Variants in CELF6 observed in about 807,000 individuals in gnomAD.
CELF6 encodes the protein CUGBP Elav-like family member 6.
A neutral mutation model predicts 53.1 loss-of-function variants in CELF6; 32 were observed. That is an observed-to-expected ratio of 0.60 (90% CI 0.46 to 0.81). The LOEUF (loss-of-function observed/expected upper bound fraction) is 0.81. CELF6 is among the 30% of genes least tolerant of loss of function. The probability of loss-of-function intolerance (pLI) is 0.00; values close to 1 mark genes in which losing one functional copy is unlikely to be tolerated. For synonymous variants in CELF6, 291 were observed against 288.8 expected (o/e 1.01, Z -0.08); for missense variants, 539 against 669.5 (o/e 0.81, Z 2.15).
In CELF6 at chr15:72,319,095, G is replaced by A. The variant is rs191664899; in HGVS notation, c.262+518C>T. 9.2e-5 allele frequency among the ~76,000 whole-genome samples: 14 copies of A among 152,216 alleles called. 1 individual carries two copies. The East Asian group carries it at 2.1e-3, about 23-fold the overall frequency. Reference sequence around the variant, plus strand: ...AGGGTTTGGGTCTGCGGTGTTTTAGGTTGGCAGTCTGAGAGTCAAAAGAAG... The same window carrying A: ...AGGGTTTGGGTCTGCGGTGTTTTAGATTGGCAGTCTGAGAGTCAAAAGAAG... On this transcript the variant is annotated intron_variant, in intron 1 of 12. Coordinates refer to ENST00000287202, the MANE Select transcript of CELF6 (RefSeq NM_052840.5). This position sits in a 1 kb window ranked among gnomAD's most constrained non-coding sequence, Gnocchi z 5.0.
At chr15:72,308,484 C>T (rs1030612324) in intron 2 of CELF6, among the ~76,000 whole-genome samples, 4 of 152,108 alleles carry the variant, frequency 2.6e-5, no homozygotes, top group African/African-American at 9.7e-5. Context: ...GCCTCGGCCT[C>T]CCAAAGTGCT....
At chr15:72,314,583 C>T (rs577572666) in intron 2 of CELF6, among the ~76,000 whole-genome samples, 1 of 139,768 alleles carries the variant, frequency 7.2e-6, no homozygotes, top group African/African-American at 3.2e-5. Context: ...AGACTCAAAA[C>T]CCAGTGTTTT....
rs2087902648 is a variant in CELF6, at chr15:72,284,807, A to G, written c.*1564T>C. The G allele has an allele frequency of 6.6e-6, 1 of 152,596 alleles. No individual in the cohort carries two copies. The highest frequency in any genetic ancestry group is 1.5e-5 in the Non-Finnish European group (1 of 68,048). The allele number at this position is 152,596 out of a possible 1,614,324, so 9.5% of individuals were successfully genotyped here. A position where few individuals can be genotyped will look rare whatever the true frequency, so the allele number is the denominator to read the frequency against. On this transcript the variant is annotated 3_prime_UTR_variant, in exon 13 of 13. Transcript: ENST00000287202. The stretch of plus-strand genomic sequence containing the variant: ...CCACCCCCACATCTTTTACTATCTG[A>G]CATGTTATCAGATCAGAGGCCTTCA...
chr15:72,289,560 C>G lies in CELF6; in HGVS notation c.748-53G>C, dbSNP rs1037927116. 6.7e-7 allele frequency: 1 copy of G among 1,482,166 alleles called. No homozygotes were observed. The highest frequency in any genetic ancestry group is 8.9e-7 in the Non-Finnish European group (1 of 1,121,602). 91.8% of individuals were successfully genotyped at this position (1,482,166 alleles called of 1,614,324 possible). A position where few individuals can be genotyped will look rare whatever the true frequency, so the allele number is the denominator to read the frequency against. ...GAGGGCCAAGGGGCAGGCAGCTGCC[C>G]GTGCTCTCAGCCCCAGGCCTGGCCC... On this transcript the variant is annotated intron_variant, in intron 6 of 12. Transcript: ENST00000287202. The surrounding 1 kb of genome is among the most constrained non-coding windows in gnomAD (Gnocchi z 7.6).
At chr15:72,300,562 G>T (rs1567281231) in intron 3 of CELF6, among the ~76,000 whole-genome samples, 1 of 152,162 alleles carries the variant, frequency 6.6e-6, no homozygotes, top group Non-Finnish European at 1.5e-5. Flanking sequence ...GGTTGGGCGT[G>T]GTGGCTCACA....
intron 2 of CELF6, among the ~76,000 whole-genome samples, chr15:72,305,869 T>C (rs1345972746): frequency 6.6e-6 from 1 of 151,214 alleles, no homozygotes; most frequent in South Asian, 2.1e-4. Flanking sequence ...TTTTTTTTTT[T>C]GCCCCAACCT....
rs1261560831 is a variant in CELF6, at chr15:72,289,543, A to T, written c.748-36T>A. On this transcript the variant is annotated intron_variant, in intron 6 of 12. Transcript: ENST00000287202. The surrounding 1 kb of genome is among the most constrained non-coding windows in gnomAD (Gnocchi z 7.6). ...AAAGATGGGCGAGAGTGGAGGGCCA[A>T]GGGGCAGGCAGCTGCCCGTGCTCTC... 1 of 1,490,826 alleles carries T rather than the reference A, an allele frequency of 6.7e-7. No individual in the cohort carries two copies. The highest frequency in any genetic ancestry group is 8.9e-7 in the Non-Finnish European group (1 of 1,124,856). 92.3% of individuals were successfully genotyped at this position (1,490,826 alleles called of 1,614,324 possible).
Position 72,319,832 on chromosome 15 carries a change from C to G in CELF6, c.43G>C (p.Gly15Arg). The change falls in exon 1 of 13, where the codon GGC becomes CGC. Residue 15 changes from glycine to arginine, a missense_variant. Around this residue, in one of 3 missense-constraint regions of CELF6, gnomAD observed 84 missense variants for 87.9 expected, o/e 0.96. Transcript: ENST00000287202. This position sits in a 1 kb window ranked among gnomAD's most constrained non-coding sequence, Gnocchi z 5.0. ...PGGSAQPAGPGPRLGFSTADS... is the reference protein window; with the variant it reads ...PGGSAQPAGPRPRLGFSTADS... Reference sequence around the variant, plus strand: ...GCGGTGCTGAAACCCAGGCGCGGGCCGGGGCCAGCGGGCTGCGCTGACCCT... The same window carrying G: ...GCGGTGCTGAAACCCAGGCGCGGGCGGGGGCCAGCGGGCTGCGCTGACCCT... 1.9e-6 allele frequency: 3 copies of G among 1,546,732 alleles called. No homozygotes were observed. The highest frequency in any genetic ancestry group is 2.6e-6 in the Non-Finnish European group (3 of 1,144,790).
At chr15:72,294,653 C>T (rs1051945499) in intron 3 of CELF6, among the ~76,000 whole-genome samples, 2 of 152,172 alleles carry the variant, frequency 1.3e-5, no homozygotes, top group Non-Finnish European at 2.9e-5. Flanking sequence ...TGTTTCTACA[C>T]ACTAGCAATG....
chr15:72,318,391 C>T (rs1043639579), intron 1 of CELF6, among the ~76,000 whole-genome samples: 1 of 152,186 alleles, frequency 6.6e-6, no homozygotes, highest in Non-Finnish European at 1.5e-5. Flanking sequence ...TTAGCTGTTA[C>T]CCAAGGCCCA....
chr15:72,318,495 A>G lies in CELF6; in HGVS notation c.262+1118T>C, dbSNP rs2088388910. ...AGCATGGTGGTGGTGGTGGGGGAGG[A>G]GATAAGAGTGTTCCTTCTCAAATCA... On this transcript the variant is annotated intron_variant, in intron 1 of 12. Coordinates refer to ENST00000287202, the MANE Select transcript of CELF6 (RefSeq NM_052840.5). 2.0e-5 allele frequency among the ~76,000 whole-genome samples: 3 copies of G among 152,030 alleles called. No homozygotes were observed. In the South Asian group the frequency reaches 6.2e-4, roughly 32 times the overall value.
rs1028122137 is a variant in CELF6 at position 72,288,461 on chromosome 15, C to T, written c.1175-10G>A. On this transcript the variant is annotated splice_polypyrimidine_tract_variant and intron_variant, in intron 10 of 12. Transcript: ENST00000287202. This position sits in a 1 kb window ranked among gnomAD's most constrained non-coding sequence, Gnocchi z 4.6. Reference sequence around the variant, plus strand: ...TTACAGCCTTCGGGGCCTGGAGGAACAGTAGCAAGCTGGTTCAGGGGAAGG... The same window carrying T: ...TTACAGCCTTCGGGGCCTGGAGGAATAGTAGCAAGCTGGTTCAGGGGAAGG... 1.9e-6 allele frequency: 3 copies of T among 1,614,174 alleles called. No homozygotes were observed. Among genetic ancestry groups the T allele is most frequent in the East Asian group, 2.2e-5 (1 of 44,890 alleles).
chr15:72,308,194 T>C (rs1297703629), intron 2 of CELF6, among the ~76,000 whole-genome samples: 1 of 152,086 alleles, frequency 6.6e-6, no homozygotes. Flanking sequence ...TAGATCTTAG[T>C]AGATACCTCA....
At chr15:72,293,784 C>T (rs540981935) in intron 3 of CELF6, among the ~76,000 whole-genome samples, 1 of 152,022 alleles carries the variant, frequency 6.6e-6, no homozygotes, top group Non-Finnish European at 1.5e-5. Flanking sequence ...ATCTCCTCCT[C>T]CCAGGTTCAA....
At chr15:72,287,503 C>A in intron 11 of CELF6, 111 bp from the exon 12 acceptor site, 1 of 1,171,506 alleles carries the variant, frequency 8.5e-7, no homozygotes. Flanking sequence ...CCATCAAACA[C>A]ATACCCCTCC....
At chr15:72,300,989 A>T (rs1460893148) in intron 3 of CELF6, among the ~76,000 whole-genome samples, 1 of 147,254 alleles carries the variant, frequency 6.8e-6, no homozygotes, top group African/African-American at 2.5e-5. Flanking sequence ...AGCTAAAATG[A>T]TTTTTTTTTT....
intron 2 of CELF6, 79 bp downstream of exon 2, chr15:72,315,766 C>T (rs2088354783): frequency 1.0e-6 from 1 of 966,310 alleles, no homozygotes; most frequent in Non-Finnish European, 1.5e-6. Context: ...AACCCAGCCC[C>T]CACATGCTGC....
At chr15:72,302,853 T>C (rs774958888) in intron 3 of CELF6, among the ~76,000 whole-genome samples, 5 of 152,186 alleles carry the variant, frequency 3.3e-5, no homozygotes, top group Non-Finnish European at 7.3e-5. Context: ...TAAATATTAC[T>C]CCTCTGGGAA....
At chr15:72,287,704 T>C (rs1177586797) in intron 11 of CELF6, among the ~76,000 whole-genome samples, 1 of 152,214 alleles carries the variant, frequency 6.6e-6, no homozygotes, top group African/African-American at 2.4e-5. Flanking sequence ...AGAACCATAG[T>C]TGGAGTTGGA....
Sources: gnomAD v4.1 joint callset for allele counts (sites outside exome capture counted in the v4.1 genomes callset) on GRCh38, gnomAD v4.1.1 for gene constraint, gnomAD v4.1.1 regional missense constraint, Gnocchi (gnomAD v3.1) non-coding constraint, MANE v1.5 for transcripts, NCBI Gene and HGNC (gene_info 2026-07-23, HGNC 2026-07-21) for gene names.